Variants in NRG3 observed in about 807,000 individuals in gnomAD.
NRG3 encodes pro-neuregulin-3, membrane-bound isoform.
A neutral mutation model predicts 66.9 loss-of-function variants in NRG3; 31 were observed. The ratio of observed to expected loss-of-function variants is 0.46; its 90% CI spans 0.35 to 0.63. The LOEUF is 0.63. Ranked by LOEUF, NRG3 falls within the 20% of genes least tolerant of loss-of-function variation. The probability of loss-of-function intolerance (pLI) is 0.00; values close to 1 mark genes in which losing one functional copy is unlikely to be tolerated. For missense variants in NRG3, 910 were observed against 878.9 expected (o/e 1.04, Z -0.45); for synonymous variants, 393 against 359.4 (o/e 1.09, Z -1.06).
intron 1 of NRG3, among the ~76,000 whole-genome samples, chr10:82,188,940 T>G (rs780213371): frequency 6.6e-6 from 1 of 152,108 alleles, no homozygotes; most frequent in Admixed American, 6.5e-5. Context: ...GCAATTGGAT[T>G]TTTTGTAGCT....
At position 82,873,489 on chromosome 10, in the gene NRG3, T is replaced by C. The variant is rs148584950; in HGVS notation, c.1054+8052T>C. Among the ~76,000 whole-genome samples, 302 of 152,242 alleles carry C rather than the reference T, an allele frequency of 2.0e-3. 3 individuals carry two copies. Among genetic ancestry groups the C allele is most frequent in the African/African-American group, 7.0e-3 (291 of 41,558 alleles). On this transcript the variant is annotated intron_variant, in intron 4 of 8. Coordinates refer to ENST00000372141, the MANE Select transcript of NRG3 (RefSeq NM_001010848.4). ...CATGAGTGATGTGAGAAACAACCAATCATTTAGTTTAGGCAGTTGGCCAAA... is the reference window on the plus strand; with the variant it reads ...CATGAGTGATGTGAGAAACAACCAACCATTTAGTTTAGGCAGTTGGCCAAA...
intron 2 of NRG3, among the ~76,000 whole-genome samples, chr10:82,392,022 C>T: frequency 8.1e-6 from 1 of 123,198 alleles, no homozygotes; most frequent in South Asian, 2.6e-4. Flanking sequence ...AAAAAAAAAA[C>T]CCACGAAACT....
intron 3 of NRG3, among the ~76,000 whole-genome samples, chr10:82,851,182 C>T (rs981019264): frequency 4.6e-5 from 7 of 152,060 alleles, no homozygotes; most frequent in African/African-American, 1.4e-4. Flanking sequence ...TTTAAAGTTA[C>T]ATTTCACTGG....
intron 8 of NRG3, among the ~76,000 whole-genome samples, chr10:82,980,922 T>A (rs2132664747): frequency 6.6e-6 from 1 of 152,338 alleles, no homozygotes; most frequent in East Asian, 1.9e-4. Flanking sequence ...AAATAACTAA[T>A]GATGCCTCTT....
chr10:82,527,150 T>TA (rs770049150), intron 2 of NRG3, among the ~76,000 whole-genome samples: 5 of 151,660 alleles, frequency 3.3e-5, no homozygotes, highest in Non-Finnish European at 5.9e-5. Context: ...GGAGCATGGA[T>TA]AAAAAAACTG....
intron 2 of NRG3, among the ~76,000 whole-genome samples, chr10:82,625,617 T>C (rs2049364724): frequency 6.6e-6 from 1 of 152,154 alleles, no homozygotes; most frequent in Non-Finnish European, 1.5e-5. Flanking sequence ...GTCTGGTCTT[T>C]GGAAAGCAGA....
chr10:82,985,454 C>T lies in NRG3; in HGVS notation c.1940C>T (p.Ser647Leu), dbSNP rs1354046910. ...QIRILTDARR[S>L]EDYELASVET... Reference sequence around the variant, plus strand: ...CGAATTCTGACTGATGCCAGACGGTCAGAAGACTACGAACTGGCCAGCGTA... The same window carrying T: ...CGAATTCTGACTGATGCCAGACGGTTAGAAGACTACGAACTGGCCAGCGTA... Residue 647 changes from serine to leucine, a missense_variant, in exon 9 of 9, where the codon TCA (serine) becomes TTA (leucine). By Grantham distance (145) the Ser-to-Leu change is moderately radical. Coordinates refer to ENST00000372141, the MANE Select transcript of NRG3 (RefSeq NM_001010848.4). 1 of 1,613,934 alleles carries T rather than the reference C, an allele frequency of 6.2e-7. No individual in the cohort carries two copies. Among genetic ancestry groups the T allele is most frequent in the Non-Finnish European group, 8.5e-7 (1 of 1,180,010 alleles).
intron 4 of NRG3, among the ~76,000 whole-genome samples, chr10:82,895,402 A>G (rs1437579212): frequency 6.6e-6 from 1 of 152,138 alleles, no homozygotes; most frequent in Admixed American, 6.5e-5. Context: ...GAAGGCATAA[A>G]CATGAAACAT....
At chr10:82,196,601 C>A (rs989149952) in intron 1 of NRG3, among the ~76,000 whole-genome samples, 3 of 152,168 alleles carry the variant, frequency 2.0e-5, no homozygotes, top group Non-Finnish European at 4.4e-5. Flanking sequence ...AGTAAATGCA[C>A]TTTTATTTAT....
intron 3 of NRG3, among the ~76,000 whole-genome samples, chr10:82,820,743 T>G (rs1198467384): frequency 6.6e-6 from 1 of 152,248 alleles, no homozygotes; most frequent in African/African-American, 2.4e-5. Context: ...TTCTAAGTGT[T>G]GATGATTTCA....
At chr10:82,915,531 TG>T (rs1365898366) in intron 4 of NRG3, among the ~76,000 whole-genome samples, 2 of 152,298 alleles carry the variant, frequency 1.3e-5, no homozygotes, top group East Asian at 3.9e-4. Flanking sequence ...TGGCACACAG[TG>T]ATGCTATATT....
chr10:81,983,648 T>G (rs1468571211), intron 1 of NRG3, among the ~76,000 whole-genome samples: 1 of 152,238 alleles, frequency 6.6e-6, no homozygotes, highest in Non-Finnish European at 1.5e-5. Flanking sequence ...TGAATTTACG[T>G]TGTCTTCACC....
intron 1 of NRG3, among the ~76,000 whole-genome samples, chr10:82,064,756 G>C (rs1439780782): frequency 1.3e-5 from 2 of 152,174 alleles, no homozygotes; most frequent in African/African-American, 2.4e-5. Context: ...TCCACCTGGA[G>C]TTTAGACATC....
intron 2 of NRG3, among the ~76,000 whole-genome samples, chr10:82,452,862 G>A (rs916384077): frequency 6.6e-6 from 1 of 152,170 alleles, no homozygotes; most frequent in African/African-American, 2.4e-5. Flanking sequence ...AAATGTGGAG[G>A]ATTTTATGGA....
intron 1 of NRG3, among the ~76,000 whole-genome samples, chr10:81,891,424 T>C (rs1054646861): frequency 6.6e-6 from 1 of 152,140 alleles, no homozygotes; most frequent in Non-Finnish European, 1.5e-5. Flanking sequence ...GTTTGTAGAT[T>C]ATCCAGGCTT....
chr10:82,463,593 G>A (rs34499222), intron 2 of NRG3, among the ~76,000 whole-genome samples: 9,651 of 152,246 alleles, frequency 0.063, 398 homozygotes, highest in Non-Finnish European at 0.095. Flanking sequence ...AGGAAGGAAA[G>A]GAGCTAACTA....
At chr10:82,573,504 A>T (rs994499630) in intron 2 of NRG3, among the ~76,000 whole-genome samples, 11 of 151,742 alleles carry the variant, frequency 7.2e-5, no homozygotes, top group African/African-American at 2.7e-4. Flanking sequence ...TTCATTTGGA[A>T]CCCCTTCTCC....
At chr10:82,650,404 A>G (rs2051319608) in intron 2 of NRG3, among the ~76,000 whole-genome samples, 1 of 152,136 alleles carries the variant, frequency 6.6e-6, no homozygotes, top group African/African-American at 2.4e-5. Flanking sequence ...CTCCTAATTT[A>G]TAGCATCTCA....
chr10:82,220,188 G>C (rs769122909), intron 1 of NRG3, among the ~76,000 whole-genome samples: 1 of 55,204 alleles, frequency 1.8e-5, no homozygotes, highest in South Asian at 6.9e-4. Flanking sequence ...TATCTTTACT[G>C]TGTGTGTGTG....
Sources: allele counts gnomAD v4.1 joint callset (sites outside exome capture counted in the v4.1 genomes callset), GRCh38; gene constraint gnomAD v4.1.1; transcripts MANE v1.5; gene names NCBI Gene and HGNC (gene_info 2026-07-23, HGNC 2026-07-21).